The following POM121C variants were observed in gnomAD, a reference collection of about 807,000 sequenced individuals.
The protein encoded by POM121C is POM121 transmembrane nucleoporin C.
A neutral mutation model predicts 66.4 loss-of-function variants in POM121C; 20 were observed. The ratio of observed to expected loss-of-function variants is 0.30; its 90% confidence interval spans 0.21 to 0.44. The LOEUF (loss-of-function observed/expected upper bound fraction) is 0.44, where lower values mean the gene tolerates loss of function less well. POM121C is among the 20% of genes least tolerant of loss of function. The pLI is 1.00. For missense variants in POM121C, 580 were observed against 1,225.7 expected (o/e 0.47, Z 7.87); for synonymous variants, 286 against 528.0 (o/e 0.54, Z 6.28).
chr7:75,471,974 C>A (rs1224728321), intron 3 of POM121C, among the ~76,000 whole-genome samples: 1 of 152,010 alleles, frequency 6.6e-6, no homozygotes, highest in Admixed American at 6.6e-5. Flanking sequence ...CAAGCTCTGC[C>A]TCCCGGGTTC....
intron 3 of POM121C, among the ~76,000 whole-genome samples, chr7:75,458,460 T>G (rs1364887836): frequency 6.6e-6 from 1 of 151,664 alleles, no homozygotes; most frequent in East Asian, 1.9e-4. Flanking sequence ...TCTGGGAGAT[T>G]ACAGCTGCAG....
Position 75,425,059 on chromosome 7 carries a change from T to C in POM121C, c.768+15A>G, listed in dbSNP as rs587760123. On this transcript the variant is annotated intron_variant, in intron 10 of 14. Transcript: ENST00000615331. ...CTAAGCCGGGGAGGGCAGGAGTAGA[T>C]GGACAAGACCATACCAAGGTCAGCT... is the stretch of plus-strand genomic sequence containing the variant. 1.5e-5 allele frequency: 22 copies of C among 1,471,342 alleles called. No individual in the cohort carries two copies. Among genetic ancestry groups the C allele is most frequent in the Admixed American group, 5.3e-5 (2 of 37,780 alleles). 91.1% of individuals were successfully genotyped at this position (1,471,342 alleles called of 1,614,324 possible). A position where few individuals can be genotyped will look rare whatever the true frequency, so the allele number is the denominator to read the frequency against.
intron 3 of POM121C, among the ~76,000 whole-genome samples, chr7:75,465,063 C>T (rs1260526977): frequency 2.7e-5 from 4 of 149,282 alleles, no homozygotes; most frequent in Non-Finnish European, 5.9e-5. Context: ...GGCGTGATCT[C>T]AGCTCATTGA....
intron 1 of POM121C, among the ~76,000 whole-genome samples, chr7:75,480,605 C>A (rs1384198450): frequency 1.3e-5 from 2 of 152,050 alleles, no homozygotes; most frequent in Non-Finnish European, 2.9e-5. Context: ...TAAGAGGTTC[C>A]ATGTAGCATT....
intron 7 of POM121C, among the ~76,000 whole-genome samples, chr7:75,435,471 AT>A (rs1273544388): frequency 2.6e-5 from 4 of 152,180 alleles, no homozygotes; most frequent in Non-Finnish European, 5.9e-5. Flanking sequence ...GTTTTAGCGT[AT>A]TTTTTTCAAA....
At chr7:75,452,416 C>A (rs587635392) in intron 3 of POM121C, among the ~76,000 whole-genome samples, 1 of 152,196 alleles carries the variant, frequency 6.6e-6, no homozygotes, top group African/African-American at 2.4e-5. Context: ...GAGCCGAGAT[C>A]GCGCCACTTG....
At chr7:75,471,183 A>G (rs1394503508) in intron 3 of POM121C, among the ~76,000 whole-genome samples, 4 of 152,064 alleles carry the variant, frequency 2.6e-5, no homozygotes, top group Admixed American at 1.3e-4. Flanking sequence ...GAGCCACTGA[A>G]AGTTTTTGAG....
chr7:75,451,941 T>C (rs1212387801), intron 3 of POM121C, among the ~76,000 whole-genome samples: 17 of 140,316 alleles, frequency 1.2e-4, no homozygotes, highest in South Asian at 9.3e-4. Context: ...CCAAGGCAGG[T>C]GGATCACCTG....
At chr7:75,429,314 A>G (rs2116358847) in intron 7 of POM121C, among the ~76,000 whole-genome samples, 1 of 152,384 alleles carries the variant, frequency 6.6e-6, no homozygotes, top group Non-Finnish European at 1.5e-5. Context: ...CATTTTGAAG[A>G]CACTATTTAT....
chr7:75,450,944 C>T (rs1554475478), intron 3 of POM121C, among the ~76,000 whole-genome samples: 2 of 152,050 alleles, frequency 1.3e-5, no homozygotes, highest in Non-Finnish European at 2.9e-5. Context: ...TTGGACTTAG[C>T]AGACAAAGAC....
At chr7:75,426,797 CAAAAAAAAAAA>C (rs543569250) in intron 7 of POM121C, among the ~76,000 whole-genome samples, 2 of 61,082 alleles carry the variant, frequency 3.3e-5, no homozygotes, top group East Asian at 8.1e-4. Context: ...GACCCTGTCT[CAAAAAAAAAAA>C]AAAAAAAAAA....
rs1277981683 is a variant in POM121C, at chr7:75,418,544, G to C, written c.*252C>G. 1.5e-5 allele frequency: 19 copies of C among 1,294,862 alleles called. 1 individual carries two copies. Among genetic ancestry groups the C allele is most frequent in the Non-Finnish European group, 1.9e-5 (19 of 1,020,072 alleles). The allele number at this position is 1,294,862 out of a possible 1,614,324, so 80.2% of individuals were successfully genotyped here. The stretch of plus-strand genomic sequence containing the variant: ...CTATGTACAGGTCCTTAGTTCTCCA[G>C]CCTCCCCAGTGGAACTGTTCAAGTA... On this transcript the variant is annotated 3_prime_UTR_variant, in exon 15 of 15. Transcript: ENST00000615331.
chr7:75,454,488 C>T (rs1382054581), intron 3 of POM121C, among the ~76,000 whole-genome samples: 1 of 152,080 alleles, frequency 6.6e-6, no homozygotes, highest in Admixed American at 6.6e-5. Flanking sequence ...CTGGGTGGCG[C>T]TCTGTGCCGG....
At chr7:75,468,360 C>G (rs1417447682) in intron 3 of POM121C, among the ~76,000 whole-genome samples, 6 of 147,130 alleles carry the variant, frequency 4.1e-5, no homozygotes, top group Non-Finnish European at 6.0e-5. Flanking sequence ...CTCTGTCGCC[C>G]AGGCTGGAGT....
chr7:75,483,393 G>A (rs1312414608), intron 1 of POM121C, among the ~76,000 whole-genome samples: 1 of 151,978 alleles, frequency 6.6e-6, no homozygotes, highest in East Asian at 1.9e-4. Flanking sequence ...GGTGTGTGTC[G>A]CCTCCCAAAT....
chr7:75,441,062 T>G lies in POM121C; in HGVS notation c.119A>C (p.Asp40Ala), dbSNP rs1182905800. The G allele has an allele frequency of 4.3e-6, 7 of 1,613,820 alleles. No individual in the cohort carries two copies. Among genetic ancestry groups the G allele is most frequent in the Non-Finnish European group, 5.9e-6 (7 of 1,179,876 alleles). The change falls in exon 5 of 15, where the codon GAC becomes GCC. Residue 40 changes from aspartate to alanine, a missense_variant. Transcript: ENST00000615331. ...TLSSPSSNAPDPCAKETVLSA... is the reference protein window; with the variant it reads ...TLSSPSSNAPAPCAKETVLSA... ...CAGTACAGTCTCCTTTGCACATGGG[T>G]CTGGGGCATTACTTGATGGTGACGA...
Position 75,468,126 on chromosome 7 carries a change from TAAAAAAA to T in POM121C, c.-152+6571_-152+6577del, listed in dbSNP as rs368723160. Reference sequence around the variant, plus strand: ...CAACCTGGGCAACAGAGACTCTGTCTAAAAAAAAAAAAAAAAAAAAAAAAAAGAAAAG... The same window carrying T: ...CAACCTGGGCAACAGAGACTCTGTCTAAAAAAAAAAAAAAAAAAAGAAAAG... On this transcript the variant is annotated intron_variant, in intron 3 of 14. Coordinates refer to ENST00000615331, the MANE Select transcript of POM121C (RefSeq NM_001099415.3). Among the ~76,000 whole-genome samples, 143 of 64,346 alleles carry T rather than the reference TAAAAAAA, an allele frequency of 2.2e-3. 4 individuals carry two copies. Among genetic ancestry groups the T allele is most frequent in the African/African-American group, 5.2e-3 (132 of 25,520 alleles). 42.2% of individuals were successfully genotyped at this position (64,346 alleles called of 152,430 possible).
rs151309297 is a variant in POM121C, at chr7:75,465,385, C to T, written c.-152+9319G>A. Among the ~76,000 whole-genome samples the T allele has an allele frequency of 8.0e-3, 1,203 of 150,920 alleles. 14 individuals carry two copies. Among genetic ancestry groups the T allele is most frequent in the East Asian group, 0.063 (316 of 5,052 alleles). Reference sequence around the variant, plus strand: ...CCTTGGGAGGCTGAGGTAGGAGGATCGCTTGAGACCTGGAGTTCAAGACCA... The same window carrying T: ...CCTTGGGAGGCTGAGGTAGGAGGATTGCTTGAGACCTGGAGTTCAAGACCA... On this transcript the variant is annotated intron_variant, in intron 3 of 14. Transcript: ENST00000615331.
chr7:75,474,661 C>T (rs1280492015), intron 3 of POM121C, 43 bp downstream of exon 3: 25 of 961,396 alleles, frequency 2.6e-5, no homozygotes, highest in Non-Finnish European at 4.0e-5. Context: ...TCCCAAAGGT[C>T]TGGGATGAGC....
Sources: allele counts gnomAD v4.1 joint callset (sites outside exome capture counted in the v4.1 genomes callset), GRCh38; gene constraint gnomAD v4.1.1; transcripts MANE v1.5; gene names NCBI Gene and HGNC (gene_info 2026-07-23, HGNC 2026-07-21).